Variants in NBEA observed in about 807,000 individuals in gnomAD.
NBEA encodes lysosomal-trafficking regulator 2.
Under a neutral mutation model 343.4 loss-of-function variants are expected in NBEA, and 44 were observed. That is an observed-to-expected ratio of 0.13 (90% CI 0.10 to 0.16). The LOEUF (loss-of-function observed/expected upper bound fraction) is 0.16, where lower values mean the gene tolerates loss of function less well. Among genes scored for constraint, NBEA ranks in the 10% least tolerant of loss-of-function variants. The pLI is 1.00. For synonymous variants in NBEA, 1,175 were observed against 1,238.7 expected, an observed-to-expected ratio of 0.95 and a Z score of 1.08; for missense variants, 2,555 against 3,631.3, an observed-to-expected ratio of 0.70 and a Z score of 7.62.
chr13:34,964,580 T>G (rs988860011), intron 1 of NBEA, among the ~76,000 whole-genome samples: 24 of 152,000 alleles, frequency 1.6e-4, no homozygotes, highest in Admixed American at 1.4e-3. Flanking sequence ...ATTCAAGGTT[T>G]GTTTGTTTCT....
At chr13:35,670,077 A>G (rs1036470190) in intron 58 of NBEA, among the ~76,000 whole-genome samples, 3 of 152,226 alleles carry the variant, frequency 2.0e-5, no homozygotes, top group African/African-American at 7.2e-5. Context: ...TAGTGCATGC[A>G]TATCAATTAT....
At chr13:35,061,347 C>T (rs1431974279) in intron 8 of NBEA, among the ~76,000 whole-genome samples, 1 of 151,620 alleles carries the variant, frequency 6.6e-6, no homozygotes, top group Admixed American at 6.6e-5. Context: ...ATTTAAAATA[C>T]TGAAAATCTC....
intron 38 of NBEA, among the ~76,000 whole-genome samples, chr13:35,422,519 G>A (rs1594578491): frequency 6.6e-6 from 1 of 152,054 alleles, no homozygotes; most frequent in South Asian, 2.1e-4. Context: ...TGGTGTATAT[G>A]TGCCACATTT....
At chr13:35,490,936 C>A (rs1040286886) in intron 41 of NBEA, among the ~76,000 whole-genome samples, 1 of 151,902 alleles carries the variant, frequency 6.6e-6, no homozygotes, top group African/African-American at 2.4e-5. Flanking sequence ...TCATATAGAA[C>A]CTCTCTAAGT....
intron 39 of NBEA, among the ~76,000 whole-genome samples, chr13:35,433,728 A>G (rs2045259847): frequency 6.6e-6 from 1 of 152,084 alleles, no homozygotes; most frequent in Admixed American, 6.5e-5. Flanking sequence ...TCTTCTTTGA[A>G]TAACTAAAAA....
At chr13:35,530,326 C>G (rs2078196776) in intron 41 of NBEA, among the ~76,000 whole-genome samples, 1 of 152,162 alleles carries the variant, frequency 6.6e-6, no homozygotes, top group African/African-American at 2.4e-5. Flanking sequence ...GCAGGCCTGT[C>G]TGTGACTGGC....
chr13:35,445,917 T>C (rs1033023302), intron 39 of NBEA, among the ~76,000 whole-genome samples: 1 of 150,596 alleles, frequency 6.6e-6, no homozygotes, highest in Non-Finnish European at 1.5e-5. Context: ...GCTGCACCCA[T>C]TAACTGGTCA....
At chr13:35,332,574 A>G (rs1177808859) in intron 36 of NBEA, among the ~76,000 whole-genome samples, 1 of 152,130 alleles carries the variant, frequency 6.6e-6, no homozygotes, top group African/African-American at 2.4e-5. Context: ...ACATTTCTAT[A>G]TCATAATAAG....
Position 35,110,791 on chromosome 13 carries a change from T to G in NBEA, c.1834-19T>G, listed in dbSNP as rs1808193722. On this transcript the variant is annotated intron_variant, in intron 12 of 58. Coordinates refer to ENST00000379939, the MANE Select transcript of NBEA (RefSeq NM_001385012.1). ...GCATTTTAAATTCATTTTAATGATC[T>G]GTTAATATTCTGTATTAGGTTCAGC... is the stretch of plus-strand genomic sequence containing the variant. The G allele has an allele frequency of 6.3e-7, 1 of 1,580,360 alleles. No homozygotes were observed.
chr13:35,000,537 A>T (rs1002426484), intron 1 of NBEA, among the ~76,000 whole-genome samples: 1 of 151,542 alleles, frequency 6.6e-6, no homozygotes, highest in South Asian at 2.1e-4. Context: ...ATTATAAGAG[A>T]TACACACACA....
intron 49 of NBEA, among the ~76,000 whole-genome samples, chr13:35,628,984 A>G (rs1223122489): frequency 1.3e-5 from 2 of 152,226 alleles, no homozygotes; most frequent in Admixed American, 1.3e-4. Flanking sequence ...AAAAACATGC[A>G]TGAATGAAAT....
chr13:35,526,528 C>T (rs1159766259), intron 41 of NBEA, among the ~76,000 whole-genome samples: 1 of 152,172 alleles, frequency 6.6e-6, no homozygotes, highest in Non-Finnish European at 1.5e-5. Context: ...GTCCCAGCTA[C>T]TCAGGAGGCT....
intron 40 of NBEA, among the ~76,000 whole-genome samples, chr13:35,463,166 G>A (rs2046996549): frequency 2.0e-5 from 3 of 152,164 alleles, no homozygotes; most frequent in Non-Finnish European, 4.4e-5. Context: ...CAAGCAGGAA[G>A]TAAAGTAGTA....
intron 10 of NBEA, among the ~76,000 whole-genome samples, chr13:35,087,827 C>T (rs991394716): frequency 6.6e-6 from 1 of 151,698 alleles, no homozygotes; most frequent in South Asian, 2.1e-4. Flanking sequence ...AATGGTATAA[C>T]CAGAGAACCT....
At chr13:35,363,765 C>G (rs549190770) in intron 38 of NBEA, among the ~76,000 whole-genome samples, 3 of 151,824 alleles carry the variant, frequency 2.0e-5, no homozygotes, top group Non-Finnish European at 2.9e-5. Flanking sequence ...TTTTCTTCTC[C>G]CTTGGATGTT....
chr13:35,192,720 T>C (rs1259870327), intron 30 of NBEA, among the ~76,000 whole-genome samples: 3 of 151,964 alleles, frequency 2.0e-5, no homozygotes, highest in Non-Finnish European at 2.9e-5. Flanking sequence ...AGTCAAATAG[T>C]TGAGCAGAAA....
At chr13:35,234,150 C>A (rs1566496191) in intron 34 of NBEA, among the ~76,000 whole-genome samples, 1 of 152,032 alleles carries the variant, frequency 6.6e-6, no homozygotes, top group African/African-American at 2.4e-5. Flanking sequence ...GTAATGGGTT[C>A]TTTGGCTTTA....
intron 1 of NBEA, among the ~76,000 whole-genome samples, chr13:34,992,839 ATT>A (rs11434153): frequency 7.3e-6 from 1 of 136,432 alleles, no homozygotes; most frequent in Non-Finnish European, 1.6e-5. Context: ...CACCCGGCTA[ATT>A]TTTTTTTTTT....
chr13:35,566,534 C>T (rs2080146387), intron 44 of NBEA, among the ~76,000 whole-genome samples: 1 of 152,168 alleles, frequency 6.6e-6, no homozygotes, highest in Non-Finnish European at 1.5e-5. Context: ...ATGAGACACA[C>T]ATGCAGGAAG....
Sources: gnomAD v4.1 joint callset for allele counts (sites outside exome capture counted in the v4.1 genomes callset) on GRCh38, gnomAD v4.1.1 for gene constraint, MANE v1.5 for transcripts, NCBI Gene and HGNC (gene_info 2026-07-23, HGNC 2026-07-21) for gene names.